KLHL13: variants seen among roughly 807,000 people sequenced by gnomAD.
KLHL13 encodes the protein kelch like family member 13, also known as kelch-like protein 13.
KLHL13 carries 10 observed loss-of-function variants against 37.1 expected under a neutral mutation model. The observed-to-expected ratio is 0.27, with a 90% CI of 0.17 to 0.46. KLHL13 has a LOEUF of 0.46. KLHL13 is among the 20% of genes least tolerant of loss of function. The pLI is 1.00. For synonymous variants in KLHL13, 163 were observed against 181.2 expected (o/e 0.90, Z 0.81); for missense variants, 360 against 509.3 (o/e 0.71, Z 2.82).
intron 2 of KLHL13, among the ~76,000 whole-genome samples, chrX:117,939,261 G>A (rs1243795799): frequency 1.8e-5 from 2 of 111,708 alleles, no homozygotes; most frequent in Non-Finnish European, 3.8e-5. Context: ...CCCTGCAAAG[G>A]ACATGAACTC....
At chrX:117,988,535 C>T in intron 1 of KLHL13, among the ~76,000 whole-genome samples, 1 of 111,774 alleles carries the variant, frequency 8.9e-6, no homozygotes, top group Non-Finnish European at 1.9e-5. Flanking sequence ...GCTCATGCTC[C>T]TATAGTCTAG....
At chrX:118,012,341 C>G (rs2054079123) in intron 1 of KLHL13, among the ~76,000 whole-genome samples, 1 of 111,345 alleles carries the variant, frequency 9.0e-6, no homozygotes, top group African/African-American at 3.3e-5. Context: ...CAAAAATTAA[C>G]TATTGGCAAA....
At chrX:117,899,002 G>C (rs1456143835) in exon 7 of KLHL13, 1 of 1,209,160 alleles carries the variant, frequency 8.3e-7, no homozygotes, top group Non-Finnish European at 1.1e-6. Flanking sequence ...GCCACCAAGG[G>C]ATTCTGGCAG....
rs6646010 is a variant in KLHL13 at position 117,951,993 on chromosome X, G to A, written c.99-6418C>T. 6.9e-3 allele frequency among the ~76,000 whole-genome samples: 773 copies of A among 111,647 alleles called. 6 individuals carry two copies. The highest frequency in any genetic ancestry group is 0.022 in the African/African-American group (680 of 30,739). On this transcript the variant is annotated intron_variant, in intron 1 of 6. Coordinates refer to ENST00000262820, the Ensembl canonical transcript of KLHL13. ...GCCATACTACCTAAGGTAATTTATA[G>A]ATTCAATGCCATCCCCATCAAGCTA...
intron 1 of KLHL13, among the ~76,000 whole-genome samples, chrX:118,042,469 T>C (rs2054515068): frequency 8.9e-6 from 1 of 111,867 alleles, no homozygotes; most frequent in Non-Finnish European, 1.9e-5. Flanking sequence ...AAAACAAGTA[T>C]TAAAACATTC....
chrX:118,017,981 TCAC>T (rs763431477), intron 1 of KLHL13, among the ~76,000 whole-genome samples: 1 of 111,581 alleles, frequency 9.0e-6, no homozygotes, highest in East Asian at 2.8e-4. Flanking sequence ...CTGGTGACTC[TCAC>T]CACAACGTGT....
chrX:117,938,258 C>T (rs1226816924), intron 2 of KLHL13, among the ~76,000 whole-genome samples: 1 of 111,111 alleles, frequency 9.0e-6, no homozygotes, highest in Non-Finnish European at 1.9e-5. Flanking sequence ...TTTCATGCAA[C>T]GATTCACCTA....
intron 4 of KLHL13, among the ~76,000 whole-genome samples, chrX:117,915,389 CTTTAT>C (rs1174676251): frequency 9.0e-6 from 1 of 110,845 alleles, no homozygotes; most frequent in Non-Finnish European, 1.9e-5. Context: ...TATGTACCTC[CTTTAT>C]TTTGTCTCCA....
upstream of KLHL13, among the ~76,000 whole-genome samples, chrX:118,117,033 T>C (rs762270297): frequency 8.0e-5 from 9 of 112,960 alleles, no homozygotes; most frequent in South Asian, 3.3e-3. Flanking sequence ...TGAAGCTGAA[T>C]GACCGCTAAG....
In KLHL13 at chrX:117,945,424, C is replaced by T. The variant is rs745722524; in HGVS notation, c.240+10G>A. Reference sequence around the variant, plus strand: ...TACGTAAACACTACCAAAGAGACAGCTTAAATTACCTGTAACACCACAGAA... The same window carrying T: ...TACGTAAACACTACCAAAGAGACAGTTTAAATTACCTGTAACACCACAGAA... On this transcript the variant is annotated intron_variant, in intron 2 of 6. Coordinates refer to ENST00000262820, the Ensembl canonical transcript of KLHL13. The T allele has an allele frequency of 8.3e-6, 10 of 1,203,225 alleles. No homozygotes were observed. In the South Asian group the frequency reaches 1.4e-4, roughly 17 times the overall value.
At chrX:117,909,743 A>G (rs774034516) in exon 5 of KLHL13, 20 of 1,210,569 alleles carry the variant, frequency 1.7e-5, no homozygotes, top group Non-Finnish European at 2.2e-5. Context: ...GCAAATTCAC[A>G]CAAGTATTGT....
intron 1 of KLHL13, among the ~76,000 whole-genome samples, chrX:118,104,164 G>A (rs188247028): frequency 1.6e-4 from 18 of 109,148 alleles, no homozygotes; most frequent in African/African-American, 5.7e-4. Flanking sequence ...CAAGGCTACA[G>A]TAAGCTGTGA....
chrX:118,100,008 T>G (rs1274462119), intron 1 of KLHL13, among the ~76,000 whole-genome samples: 1 of 111,875 alleles, frequency 8.9e-6, no homozygotes, highest in Non-Finnish European at 1.9e-5. Context: ...AATCTTTCTC[T>G]GTGTACATAC....
chrX:117,998,592 T>C (rs991929937), intron 1 of KLHL13, among the ~76,000 whole-genome samples: 3 of 111,438 alleles, frequency 2.7e-5, no homozygotes, highest in African/African-American at 6.5e-5. Context: ...CCAGACATTA[T>C]TGGAGAGGGC....
intron 1 of KLHL13, among the ~76,000 whole-genome samples, chrX:118,090,661 C>G (rs2055121196): frequency 9.1e-6 from 1 of 109,921 alleles, no homozygotes; most frequent in African/African-American, 3.3e-5. Context: ...GAAATAGGAA[C>G]ACTTTTACAC....
intron 1 of KLHL13, among the ~76,000 whole-genome samples, chrX:118,021,601 A>G (rs184412673): frequency 0.12 from 13,420 of 110,091 alleles, 955 homozygotes; most frequent in African/African-American, 0.27. Context: ...AGTATTCCAT[A>G]GTGTATATGT....
intron 1 of KLHL13, among the ~76,000 whole-genome samples, chrX:118,115,221 C>T (rs2055454597): frequency 8.9e-6 from 1 of 112,567 alleles, no homozygotes; most frequent in African/African-American, 3.2e-5. Context: ...CAGTCTATTT[C>T]CAAAAACACA....
chrX:118,104,284 G>A (rs951397091), intron 1 of KLHL13, among the ~76,000 whole-genome samples: 7 of 110,928 alleles, frequency 6.3e-5, no homozygotes, highest in Admixed American at 2.9e-4. Context: ...AAAAAATGGC[G>A]TGGAGGAGTT....
At chrX:117,985,955 T>A (rs1356992165) in intron 1 of KLHL13, among the ~76,000 whole-genome samples, 2 of 111,181 alleles carry the variant, frequency 1.8e-5, no homozygotes, top group Non-Finnish European at 3.8e-5. Flanking sequence ...GATCGCTTTT[T>A]AAAAATAAAA....
Sources: allele counts gnomAD v4.1 joint callset (sites outside exome capture counted in the v4.1 genomes callset), GRCh38; gene constraint gnomAD v4.1.1; transcripts MANE v1.5; gene names NCBI Gene and HGNC (gene_info 2026-07-23, HGNC 2026-07-21).